TUSC3: variants seen among roughly 807,000 people sequenced by gnomAD.
TUSC3 encodes tumor suppressor candidate 3.
A neutral mutation model predicts 44.8 loss-of-function variants in TUSC3; 45 were observed. That is an observed-to-expected ratio of 1.00 (90% CI 0.79 to 1.29). The LOEUF is 1.29. Ranked by LOEUF, TUSC3 falls within the 50% of genes most tolerant of loss-of-function variation. TUSC3 has a pLI of 0.00. For synonymous variants in TUSC3, 212 were observed against 152.9 expected (o/e 1.39, Z -2.85); for missense variants, 519 against 437.9 (o/e 1.19, Z -1.65).
chr8:15,569,162 A>G (rs1204811142), intron 1 of TUSC3, among the ~76,000 whole-genome samples: 1 of 152,158 alleles, frequency 6.6e-6, no homozygotes, highest in Non-Finnish European at 1.5e-5. Flanking sequence ...ATAGTCTTAT[A>G]ATTGTTGAAA....
At chr8:15,788,853 G>A in the TUSC3 span, among the ~76,000 whole-genome samples, 1 of 152,138 alleles carries the variant, frequency 6.6e-6, no homozygotes, top group East Asian at 1.9e-4. Context: ...TAATGAGGGC[G>A]AGGGGCTTGA....
chr8:15,461,177 CT>C (rs1161883531), intron 1 of TUSC3, among the ~76,000 whole-genome samples: 1 of 151,978 alleles, frequency 6.6e-6, no homozygotes, highest in East Asian at 1.9e-4. Flanking sequence ...ATGTGTTTCC[CT>C]TTGTGTTGTC....
chr8:15,697,393 C>G (rs1183380893), intron 6 of TUSC3, among the ~76,000 whole-genome samples: 1 of 152,168 alleles, frequency 6.6e-6, no homozygotes, highest in South Asian at 2.1e-4. Context: ...TATGCTCATT[C>G]AGACTTTTTG....
the TUSC3 span, among the ~76,000 whole-genome samples, chr8:15,782,603 T>C: frequency 6.6e-6 from 1 of 152,164 alleles, no homozygotes; most frequent in Non-Finnish European, 1.5e-5. Context: ...ATAAATATAA[T>C]TCACCATATT....
At chr8:15,420,431 G>T (rs562308743) in intron 1 of TUSC3, among the ~76,000 whole-genome samples, 59 of 151,972 alleles carry the variant, frequency 3.9e-4, no homozygotes, top group Non-Finnish European at 7.5e-4. Flanking sequence ...CTGGGAAGTG[G>T]AGGTTACAGT....
At chr8:15,844,170 A>C in the TUSC3 span, among the ~76,000 whole-genome samples, 1 of 151,844 alleles carries the variant, frequency 6.6e-6, no homozygotes, top group Non-Finnish European at 1.5e-5. Flanking sequence ...GGGATGGCAA[A>C]AAAAATATCT....
At chr8:15,454,448 T>C (rs543909881) in intron 1 of TUSC3, among the ~76,000 whole-genome samples, 5 of 152,206 alleles carry the variant, frequency 3.3e-5, no homozygotes, top group Non-Finnish European at 7.3e-5. Flanking sequence ...TTAACAGACG[T>C]AGACCAATAG....
At chr8:15,685,714 A>T (rs559778423) in intron 6 of TUSC3, among the ~76,000 whole-genome samples, 264 of 152,284 alleles carry the variant, frequency 1.7e-3, no homozygotes, top group South Asian at 2.9e-3. Flanking sequence ...AGTCAACAGA[A>T]TCAATATATA....
the TUSC3 span, among the ~76,000 whole-genome samples, chr8:15,828,559 G>C: frequency 4.1e-4 from 62 of 152,268 alleles, no homozygotes; most frequent in African/African-American, 1.5e-3. Context: ...ATTTTGGTTT[G>C]TTCATATCTT....
intron 2 of TUSC3, among the ~76,000 whole-genome samples, chr8:15,531,573 C>G (rs1351635012): frequency 6.6e-6 from 1 of 152,168 alleles, no homozygotes. Flanking sequence ...AATAAACGTT[C>G]ACTCCTGCCT....
chr8:15,683,767 T>C (rs1286910098), intron 6 of TUSC3, among the ~76,000 whole-genome samples: 1 of 152,184 alleles, frequency 6.6e-6, no homozygotes, highest in Admixed American at 6.5e-5. Flanking sequence ...CTGGTGCTTC[T>C]TTTTCTTTTT....
chr8:15,840,254 C>T, the TUSC3 span, among the ~76,000 whole-genome samples: 1 of 152,094 alleles, frequency 6.6e-6, no homozygotes, highest in Admixed American at 6.6e-5. Flanking sequence ...GGAGGGAAAG[C>T]ATTAGGAGAC....
intron 7 of TUSC3, among the ~76,000 whole-genome samples, chr8:15,732,517 G>C (rs1381466603): frequency 6.6e-6 from 1 of 151,944 alleles, no homozygotes; most frequent in Non-Finnish European, 1.5e-5. Context: ...TTTATTAGCA[G>C]CGTGAGAACA....
chr8:15,565,557 C>T (rs1226033072), intron 1 of TUSC3, among the ~76,000 whole-genome samples: 1 of 152,164 alleles, frequency 6.6e-6, no homozygotes, highest in African/African-American at 2.4e-5. Context: ...TGTAGAAATT[C>T]ACCAGGCTCT....
chr8:15,756,811 G>A (rs1290412624), intron 9 of TUSC3, among the ~76,000 whole-genome samples: 1 of 152,106 alleles, frequency 6.6e-6, no homozygotes, highest in Non-Finnish European at 1.5e-5. Context: ...GAAGGTGTGT[G>A]GAAAAATAGT....
intron 10 of TUSC3, among the ~76,000 whole-genome samples, chr8:15,760,245 A>G (rs1563210401): frequency 6.6e-6 from 1 of 152,130 alleles, no homozygotes; most frequent in Admixed American, 6.6e-5. Flanking sequence ...ATAAATCCCA[A>G]CACCCAGGTC....
intron 10 of TUSC3, chr8:15,758,112 A>G (rs1812008291): frequency 2.4e-6 from 3 of 1,225,136 alleles, no homozygotes; most frequent in Non-Finnish European, 3.1e-6. Context: ...TTCCACCCCC[A>G]ACAAATATAC....
the TUSC3 span, among the ~76,000 whole-genome samples, chr8:15,784,367 T>C: frequency 1.9e-4 from 29 of 152,110 alleles, no homozygotes; most frequent in African/African-American, 6.0e-4. Flanking sequence ...AAACAGGATG[T>C]CCAACAAATT....
intron 1 of TUSC3, among the ~76,000 whole-genome samples, chr8:15,445,622 A>C (rs1462223702): frequency 6.6e-6 from 1 of 152,212 alleles, no homozygotes; most frequent in East Asian, 1.9e-4. Flanking sequence ...TTCAGAGAGC[A>C]CTGGGTTGGG....
Sources: gnomAD v4.1 joint callset for allele counts (sites outside exome capture counted in the v4.1 genomes callset) on GRCh38, gnomAD v4.1.1 for gene constraint, MANE v1.5 for transcripts, NCBI Gene and HGNC (gene_info 2026-07-23, HGNC 2026-07-21) for gene names.